CFAP47: variants seen among roughly 807,000 people sequenced by gnomAD.
The protein encoded by CFAP47 is cilia and flagella associated protein 47, also known as cilia- and flagella-associated protein 47.
In CFAP47, 29 loss-of-function variants were observed where a neutral mutation model predicts 148.1. The ratio of observed to expected loss-of-function variants is 0.20; its 90% CI spans 0.15 to 0.27. CFAP47 has a LOEUF of 0.27. Ranked by LOEUF, CFAP47 falls within the 10% of genes least tolerant of loss-of-function variation. The probability of loss-of-function intolerance (pLI) is 1.00; values close to 1 mark genes in which losing one functional copy is unlikely to be tolerated. For synonymous variants in CFAP47, 664 were observed against 577.3 expected (o/e 1.15, Z -2.15); for missense variants, 1,872 against 1,697.5 (o/e 1.10, Z -1.81).
chrX:35,928,017 A>G (rs1033848597), intron 2 of CFAP47, among the ~76,000 whole-genome samples: 2 of 104,615 alleles, frequency 1.9e-5, no homozygotes, highest in Non-Finnish European at 3.9e-5. Flanking sequence ...ATATATATGT[A>G]TATATATATA....
chrX:36,306,320 C>T (rs1286560672), intron 54 of CFAP47, among the ~76,000 whole-genome samples: 1 of 111,483 alleles, frequency 9.0e-6, no homozygotes, highest in Non-Finnish European at 1.9e-5. Context: ...GGAAAATTTC[C>T]TTGCACATTA....
chrX:36,281,182 A>G (rs970350152), intron 50 of CFAP47, among the ~76,000 whole-genome samples: 3 of 112,245 alleles, frequency 2.7e-5, no homozygotes. Context: ...TTTATGGGTG[A>G]GTAGCAGGGA....
intron 48 of CFAP47, among the ~76,000 whole-genome samples, chrX:36,247,339 A>C (rs1459514789): frequency 9.0e-6 from 1 of 111,185 alleles, no homozygotes; most frequent in African/African-American, 3.3e-5. Flanking sequence ...CTACTACTTG[A>C]GTGACAAGAT....
At chrX:36,170,615 A>AT (rs776375952) in intron 39 of CFAP47, among the ~76,000 whole-genome samples, 2 of 109,859 alleles carry the variant, frequency 1.8e-5, no homozygotes, top group East Asian at 2.9e-4. Flanking sequence ...GTCCCTACAA[A>AT]GGACATGAAC....
At chrX:36,284,273 A>T (rs1310945970) in intron 50 of CFAP47, among the ~76,000 whole-genome samples, 1 of 111,625 alleles carries the variant, frequency 9.0e-6, no homozygotes, top group Non-Finnish European at 1.9e-5. Context: ...TCAGTTCAAA[A>T]TGTGGAAATA....
Position 36,138,455 on chromosome X carries a change from G to A in CFAP47, c.5526G>A (p.Val1842=). Residue 1842 remains valine (V), a synonymous_variant, in exon 35 of 64, where the codon GTG becomes GTA. Transcript: ENST00000378653. ...VNTLYEIDFD[V]EIQATDICDP... is the part of the protein sequence containing the mutation. ...CTCTTTATGAAATTGACTTTGACGT[G>A]GAAATACAGGTGGGTGCCTTTATAT... 8.7e-7 allele frequency: 1 copy of A among 1,147,017 alleles called. No homozygotes were observed. 94.5% of individuals were successfully genotyped at this position (1,147,017 alleles called of 1,213,427 possible). A position where few individuals can be genotyped will look rare whatever the true frequency, so the allele number is the denominator to read the frequency against.
At chrX:36,008,662 AGG>A (rs2146698968) in intron 21 of CFAP47, among the ~76,000 whole-genome samples, 1 of 110,065 alleles carries the variant, frequency 9.1e-6, no homozygotes, top group Admixed American at 9.7e-5. Context: ...CTCAGCTACT[AGG>A]GAGGCTGAGG....
intron 8 of CFAP47, among the ~76,000 whole-genome samples, chrX:35,964,840 T>C (rs960541295): frequency 8.9e-6 from 1 of 111,909 alleles, no homozygotes; most frequent in Admixed American, 9.5e-5. Context: ...ATTGAAATTG[T>C]GTATTTTGTG....
intron 51 of CFAP47, among the ~76,000 whole-genome samples, chrX:36,293,054 C>A (rs782598568): frequency 9.0e-6 from 1 of 110,934 alleles, no homozygotes; most frequent in East Asian, 2.8e-4. Context: ...TACTGGGTAT[C>A]TCTGATATTC....
At chrX:36,318,831 T>C (rs952411960) in intron 56 of CFAP47, among the ~76,000 whole-genome samples, 5 of 111,394 alleles carry the variant, frequency 4.5e-5, no homozygotes, top group Admixed American at 9.6e-5. Flanking sequence ...GTAGTTCAAA[T>C]TAAAATTCCA....
chrX:36,228,342 A>G (rs1380112017), intron 45 of CFAP47, among the ~76,000 whole-genome samples: 1 of 111,017 alleles, frequency 9.0e-6, no homozygotes, highest in East Asian at 2.8e-4. Context: ...AAGAGCAGAG[A>G]CATTTCTTAT....
intron 18 of CFAP47, among the ~76,000 whole-genome samples, chrX:35,994,951 A>G (rs1936829266): frequency 8.9e-6 from 1 of 111,894 alleles, no homozygotes; most frequent in African/African-American, 3.3e-5. Flanking sequence ...CTCAATAAAT[A>G]ATTAAAATAC....
At chrX:36,176,404 T>G (rs1347915644) in intron 39 of CFAP47, among the ~76,000 whole-genome samples, 2 of 112,424 alleles carry the variant, frequency 1.8e-5, no homozygotes, top group Admixed American at 9.4e-5. Context: ...AAAAATATTT[T>G]ATGTTTTAGC....
intron 48 of CFAP47, among the ~76,000 whole-genome samples, chrX:36,238,818 TC>T (rs1940505486): frequency 8.9e-6 from 1 of 111,832 alleles, no homozygotes; most frequent in Admixed American, 9.5e-5. Flanking sequence ...CTTCAGGCTA[TC>T]ATCTAAATAC....
intron 34 of CFAP47, 145 bp from the exon 35 acceptor site, chrX:36,138,203 T>G: frequency 1.5e-6 from 1 of 652,344 alleles, no homozygotes; most frequent in Non-Finnish European, 2.2e-6. Flanking sequence ...CACTACCTTT[T>G]TGTTTATTCT....
chrX:36,010,019 C>T (rs1937021372), intron 21 of CFAP47, among the ~76,000 whole-genome samples: 1 of 110,843 alleles, frequency 9.0e-6, no homozygotes, highest in Admixed American at 9.6e-5. Flanking sequence ...TACCAAGGTA[C>T]CATGGAATAA....
chrX:35,940,378 T>C (rs1320871824), intron 2 of CFAP47, among the ~76,000 whole-genome samples: 1 of 111,144 alleles, frequency 9.0e-6, no homozygotes, highest in Admixed American at 9.6e-5. Flanking sequence ...CCCATGCCTA[T>C]GTCCTGAATG....
chrX:35,924,084 T>C (rs1055622352), intron 1 of CFAP47, among the ~76,000 whole-genome samples: 5 of 96,595 alleles, frequency 5.2e-5, no homozygotes, highest in Admixed American at 2.3e-4. Context: ...TATATGTACA[T>C]GTATGCGTAC....
At chrX:36,185,702 G>T (rs1368096434) in intron 40 of CFAP47, among the ~76,000 whole-genome samples, 2 of 111,712 alleles carry the variant, frequency 1.8e-5, no homozygotes, top group African/African-American at 6.5e-5. Flanking sequence ...TTTGGAGGCT[G>T]GGAAGTCCAT....
Sources: gnomAD v4.1 joint callset for allele counts (sites outside exome capture counted in the v4.1 genomes callset) on GRCh38, gnomAD v4.1.1 for gene constraint, MANE v1.5 for transcripts, NCBI Gene and HGNC (gene_info 2026-07-23, HGNC 2026-07-21) for gene names.